The following FSTL5 variants were observed in gnomAD, a reference collection of about 807,000 sequenced individuals.
The protein encoded by FSTL5 is follistatin like 5.
In FSTL5, 62 loss-of-function variants were observed where a neutral mutation model predicts 89.1. That is an observed-to-expected ratio of 0.70 (90% CI 0.57 to 0.86). The LOEUF (loss-of-function observed/expected upper bound fraction) is 0.86. FSTL5 is among the 40% of genes least tolerant of loss of function. The pLI, the probability that FSTL5 is intolerant of heterozygous loss-of-function variation, is 0.00. For synonymous variants in FSTL5, 383 were observed against 346.2 expected, an observed-to-expected ratio of 1.11 and a Z score of -1.18; for missense variants, 1,057 against 1,001.6, an observed-to-expected ratio of 1.06 and a Z score of -0.75.
chr4:161,763,656 A>G (rs529880644), intron 5 of FSTL5, among the ~76,000 whole-genome samples: 4 of 152,180 alleles, frequency 2.6e-5, no homozygotes, highest in Non-Finnish European at 5.9e-5. Flanking sequence ...TACCATTCAT[A>G]TGTTTGAGTT....
chr4:161,568,704 A>G (rs769829892), intron 8 of FSTL5, among the ~76,000 whole-genome samples: 14 of 152,200 alleles, frequency 9.2e-5, no homozygotes, highest in Non-Finnish European at 2.1e-4. Context: ...AGGCAGAGAT[A>G]AGTTATTTTA....
chr4:161,975,884 G>A (rs902013298), intron 3 of FSTL5, among the ~76,000 whole-genome samples: 8 of 151,214 alleles, frequency 5.3e-5, no homozygotes, highest in Non-Finnish European at 1.0e-4. Context: ...GGGAGGCCGA[G>A]GCGGGCGGAT....
intron 7 of FSTL5, among the ~76,000 whole-genome samples, chr4:161,592,514 A>C (rs1165006070): frequency 6.6e-6 from 1 of 151,950 alleles, no homozygotes; most frequent in African/African-American, 2.4e-5. Flanking sequence ...ATGAGTGAGA[A>C]CATGTAGTGT....
chr4:161,568,444 A>G (rs1308000709), intron 8 of FSTL5, among the ~76,000 whole-genome samples: 1 of 152,198 alleles, frequency 6.6e-6, no homozygotes, highest in East Asian at 1.9e-4. Flanking sequence ...TCTTTACAGT[A>G]GGGAAGTTAG....
intron 6 of FSTL5, among the ~76,000 whole-genome samples, chr4:161,705,950 G>GTATATA (rs775369439): frequency 8.1e-4 from 15 of 18,580 alleles, no homozygotes; most frequent in East Asian, 2.3e-3. Context: ...GTGTAGATGT[G>GTATATA]TGTATATATA....
chr4:162,058,718 C>T (rs529865205), intron 2 of FSTL5, among the ~76,000 whole-genome samples: 1 of 152,000 alleles, frequency 6.6e-6, no homozygotes, highest in Non-Finnish European at 1.5e-5. Context: ...TGTGAGCCAT[C>T]GTGCCTGGCA....
At chr4:161,668,837 C>T (rs764494631) in intron 6 of FSTL5, among the ~76,000 whole-genome samples, 61 of 151,938 alleles carry the variant, frequency 4.0e-4, no homozygotes, top group Non-Finnish European at 5.7e-4. Flanking sequence ...AGAGGCTGGG[C>T]GCGGTGGCTC....
chr4:161,814,081 G>A (rs1730252004), intron 4 of FSTL5, among the ~76,000 whole-genome samples: 1 of 152,054 alleles, frequency 6.6e-6, no homozygotes, highest in Non-Finnish European at 1.5e-5. Flanking sequence ...GAAAGTAAGT[G>A]TGAGAGGGAA....
chr4:161,713,533 A>C (rs1386104525), intron 6 of FSTL5, among the ~76,000 whole-genome samples: 1 of 152,194 alleles, frequency 6.6e-6, no homozygotes, highest in Non-Finnish European at 1.5e-5. Context: ...TCTTTCACAG[A>C]ACACACTTTA....
intron 7 of FSTL5, among the ~76,000 whole-genome samples, chr4:161,615,552 T>G (rs530857659): frequency 6.6e-6 from 1 of 151,708 alleles, no homozygotes; most frequent in African/African-American, 2.4e-5. Context: ...CACACATGCA[T>G]GTACACGCAC....
chr4:161,488,764 A>T (rs554645488), intron 12 of FSTL5, among the ~76,000 whole-genome samples: 42 of 152,300 alleles, frequency 2.8e-4, no homozygotes, highest in Admixed American at 1.1e-3. Context: ...GACAAAAATT[A>T]TAACAGTCTA....
chr4:161,490,051 T>C (rs891545425), intron 12 of FSTL5, among the ~76,000 whole-genome samples: 4 of 152,146 alleles, frequency 2.6e-5, no homozygotes, highest in Non-Finnish European at 5.9e-5. Context: ...AGACATGAAT[T>C]CTGTTGAAAT....
At chr4:162,126,648 G>A (rs1181076659) in intron 1 of FSTL5, among the ~76,000 whole-genome samples, 1 of 151,780 alleles carries the variant, frequency 6.6e-6, no homozygotes, top group Non-Finnish European at 1.5e-5. Flanking sequence ...TTTTTGTCAA[G>A]ATTTTACATC....
intron 6 of FSTL5, among the ~76,000 whole-genome samples, chr4:161,682,750 T>C (rs999248110): frequency 1.3e-5 from 2 of 151,978 alleles, no homozygotes; most frequent in Non-Finnish European, 2.9e-5. Flanking sequence ...AACTTTCCTT[T>C]TTTTTTTATT....
intron 2 of FSTL5, among the ~76,000 whole-genome samples, chr4:162,090,278 C>T (rs1730494858): frequency 6.6e-6 from 1 of 151,862 alleles, no homozygotes; most frequent in Non-Finnish European, 1.5e-5. Context: ...TTCTGCACAG[C>T]AAAAGAGACT....
intron 8 of FSTL5, 117 bp from the exon 9 acceptor site, chr4:161,542,810 G>T (rs959791076): frequency 3.8e-6 from 2 of 523,482 alleles, no homozygotes; most frequent in East Asian, 3.7e-5. Flanking sequence ...GATGCTATAC[G>T]TTTCTACAGA....
At chr4:162,108,850 TAA>T (rs1233435648) in intron 2 of FSTL5, among the ~76,000 whole-genome samples, 1 of 151,942 alleles carries the variant, frequency 6.6e-6, no homozygotes, top group Non-Finnish European at 1.5e-5. Context: ...AGCCATCTGA[TAA>T]AGTCATTTGT....
At chr4:161,899,818 T>A (rs1264391602) in intron 4 of FSTL5, among the ~76,000 whole-genome samples, 1 of 152,146 alleles carries the variant, frequency 6.6e-6, no homozygotes, top group Non-Finnish European at 1.5e-5. Flanking sequence ...TAACAGATTG[T>A]ATTTAGTGAA....
At chr4:161,694,780 T>A (rs1336377579) in intron 6 of FSTL5, among the ~76,000 whole-genome samples, 1 of 151,730 alleles carries the variant, frequency 6.6e-6, no homozygotes, top group Non-Finnish European at 1.5e-5. Context: ...TTCCCAGGGA[T>A]TGCTGGTGTT....
Sources: gnomAD v4.1 joint callset for allele counts (sites outside exome capture counted in the v4.1 genomes callset) on GRCh38, gnomAD v4.1.1 for gene constraint, MANE v1.5 for transcripts, NCBI Gene and HGNC (gene_info 2026-07-23, HGNC 2026-07-21) for gene names.